The following SLC38A9 variants were observed in gnomAD, a reference collection of about 807,000 sequenced individuals.
SLC38A9 encodes neutral amino acid transporter 9.
A neutral mutation model predicts 62.3 loss-of-function variants in SLC38A9; 48 were observed. That is an observed-to-expected ratio of 0.77 (90% CI 0.61 to 0.98). SLC38A9 has a LOEUF of 0.98. Ranked by LOEUF, SLC38A9 falls within the 50% of genes least tolerant of loss-of-function variation. The pLI is 0.00. For synonymous variants in SLC38A9, 204 were observed against 227.7 expected (o/e 0.90, Z 0.94); for missense variants, 541 against 679.8 (o/e 0.80, Z 2.27).
At chr5:55,677,921 C>G (rs1234914893) in intron 3 of SLC38A9, among the ~76,000 whole-genome samples, 2 of 20,798 alleles carry the variant, frequency 9.6e-5, no homozygotes, top group South Asian at 6.7e-3. Flanking sequence ...CTTTTTTTTT[C>G]TTTATTGTGT....
chr5:55,687,136 GT>G (rs1753987383), intron 3 of SLC38A9, among the ~76,000 whole-genome samples: 1 of 129,530 alleles, frequency 7.7e-6, no homozygotes, highest in Non-Finnish European at 1.6e-5. Flanking sequence ...GGCTCCATAT[GT>G]ATTTTTAAAA....
chr5:55,691,097 A>G (rs1255092895), intron 3 of SLC38A9: 4 of 693,130 alleles, frequency 5.8e-6, no homozygotes, highest in Non-Finnish European at 1.1e-5. Flanking sequence ...GGCAGTAGGA[A>G]TGCTGCCTGT....
At chr5:55,680,226 T>TAGAG (rs59019385) in intron 3 of SLC38A9, among the ~76,000 whole-genome samples, 9,163 of 151,254 alleles carry the variant, frequency 0.061, 279 homozygotes, top group Middle Eastern at 0.083. Context: ...TATATATATA[T>TAGAG]AGAGAGAGAG....
At chr5:55,695,017 T>G (rs1580391710) in intron 3 of SLC38A9, among the ~76,000 whole-genome samples, 1 of 152,064 alleles carries the variant, frequency 6.6e-6, no homozygotes, top group African/African-American at 2.4e-5. Flanking sequence ...CCTCCCAAAG[T>G]GTTGGGATTA....
At chr5:55,651,955 T>C (rs1371913095) in intron 10 of SLC38A9, among the ~76,000 whole-genome samples, 3 of 100,776 alleles carry the variant, frequency 3.0e-5, no homozygotes, top group African/African-American at 9.3e-5. Context: ...AAATAATTCA[T>C]GTCTCAAAAA....
chr5:55,631,330 T>C (rs1743407893), intron 14 of SLC38A9, among the ~76,000 whole-genome samples: 1 of 152,044 alleles, frequency 6.6e-6, no homozygotes, highest in African/African-American at 2.4e-5. Context: ...AAAATGACAA[T>C]GTGTTCTTGG....
At chr5:55,696,000 C>G (rs1471335961) in intron 3 of SLC38A9, 7 of 80,346 alleles carry the variant, frequency 8.7e-5, no homozygotes, top group African/African-American at 2.8e-4. Flanking sequence ...ACCTCCCGGA[C>G]GGGGCAGCTG....
At chr5:55,653,247 G>A (rs760008956) in intron 9 of SLC38A9, among the ~76,000 whole-genome samples, 14 of 152,100 alleles carry the variant, frequency 9.2e-5, no homozygotes, top group African/African-American at 2.2e-4. Flanking sequence ...CATTACAGGC[G>A]TGAGCTACTG....
intron 8 of SLC38A9, among the ~76,000 whole-genome samples, chr5:55,663,399 G>A (rs1749956913): frequency 6.7e-6 from 1 of 149,872 alleles, no homozygotes; most frequent in African/African-American, 2.5e-5. Flanking sequence ...ATTAGCTTTT[G>A]CATTTTTTGT....
intron 11 of SLC38A9, among the ~76,000 whole-genome samples, chr5:55,646,670 T>C (rs930659778): frequency 6.6e-6 from 1 of 152,184 alleles, no homozygotes; most frequent in Non-Finnish European, 1.5e-5. Context: ...CAGTGGTATA[T>C]GGTATCAAAA....
chr5:55,633,983 T>C, intron 13 of SLC38A9, 81 bp from the exon 14 acceptor site: 1 of 1,098,958 alleles, frequency 9.1e-7, no homozygotes, highest in Non-Finnish European at 1.3e-6. Flanking sequence ...CTTCTGCTTA[T>C]TTTGAACACA....
intron 12 of SLC38A9, 36 bp downstream of exon 12, chr5:55,645,753 G>T (rs1746225579): frequency 7.2e-7 from 1 of 1,398,168 alleles, no homozygotes; most frequent in Non-Finnish European, 1.0e-6. Context: ...TTATCCTCGG[G>T]AGATACAAAA....
intron 11 of SLC38A9, among the ~76,000 whole-genome samples, chr5:55,648,626 CAGTT>C (rs1310556964): frequency 6.6e-6 from 1 of 151,952 alleles, no homozygotes; most frequent in Non-Finnish European, 1.5e-5. Context: ...AAAAAACAGA[CAGTT>C]AAATAGAAAA....
intron 8 of SLC38A9, among the ~76,000 whole-genome samples, chr5:55,661,414 A>C (rs34979247): frequency 0.6 from 84,978 of 141,740 alleles, 25,995 homozygotes; most frequent in South Asian, 0.7. Context: ...CCCGGCACTC[A>C]AGCCTGGGTG....
intron 3 of SLC38A9, chr5:55,691,140 T>C: frequency 1.4e-6 from 1 of 727,982 alleles, no homozygotes; most frequent in African/African-American, 1.7e-5. Flanking sequence ...ACCTGAAATG[T>C]TCTCAGTTAG....
chr5:55,703,852 A>G (rs1756955836), intron 2 of SLC38A9, among the ~76,000 whole-genome samples: 1 of 152,214 alleles, frequency 6.6e-6, no homozygotes, highest in South Asian at 2.1e-4. Flanking sequence ...ATAAATGAAA[A>G]CATTCTATAT....
intron 3 of SLC38A9, among the ~76,000 whole-genome samples, chr5:55,685,511 A>G (rs1285301449): frequency 1.3e-5 from 2 of 152,200 alleles, no homozygotes; most frequent in African/African-American, 4.8e-5. Flanking sequence ...TTGTGTAGAC[A>G]TATGTTTTTA....
chr5:55,670,065 C>T (rs554373126), intron 4 of SLC38A9, among the ~76,000 whole-genome samples, 186 bp from the exon 5 acceptor site: 34 of 152,162 alleles, frequency 2.2e-4, no homozygotes, highest in Non-Finnish European at 4.7e-4. Flanking sequence ...CCTGGGTTCA[C>T]GCCATTCTCC....
intron 8 of SLC38A9, chr5:55,658,177 T>G (rs1748800059): frequency 6.6e-6 from 1 of 152,228 alleles, no homozygotes; most frequent in Non-Finnish European, 1.5e-5. Context: ...TTTATTTTAA[T>G]TTTTTTGAGA....
Sources: gnomAD v4.1 joint callset for allele counts (sites outside exome capture counted in the v4.1 genomes callset) on GRCh38, gnomAD v4.1.1 for gene constraint, MANE v1.5 for transcripts, NCBI Gene and HGNC (gene_info 2026-07-23, HGNC 2026-07-21) for gene names.